Variants in CCDC33 observed in about 807,000 individuals in gnomAD.
CCDC33 encodes coiled-coil domain containing 33.
In CCDC33, 94 loss-of-function variants were observed where a neutral mutation model predicts 91.9. The observed-to-expected ratio is 1.02, with a 90% CI of 0.87 to 1.21. The LOEUF is 1.21. CCDC33 is among the 50% of genes most tolerant of loss of function. The pLI is 0.00. For synonymous variants in CCDC33, 396 were observed against 374.5 expected, an observed-to-expected ratio of 1.06 and a Z score of -0.66; for missense variants, 940 against 935.5, an observed-to-expected ratio of 1.00 and a Z score of -0.06.
At chr15:74,231,791 G>A (rs1226373634), upstream of CCDC33, among the ~76,000 whole-genome samples, 2 of 152,196 alleles carry the variant, frequency 1.3e-5, no homozygotes, top group African/African-American at 4.8e-5. Context: ...TGAGGCGGGT[G>A]GATCACTTGA....
rs1159989223 is a variant in CCDC33, at chr15:74,244,248, T to A, written c.185+100T>A. On this transcript the variant is annotated intron_variant, in intron 2 of 18. Transcript: ENST00000398814. This position sits in a 1 kb window ranked among gnomAD's most constrained non-coding sequence, Gnocchi z 4.2. Reference sequence around the variant, plus strand: ...ATACTAGCACCCAAAGGCCCAGGACTGGGACTGTCATACCCAGAGGGGAGG... The same window carrying A: ...ATACTAGCACCCAAAGGCCCAGGACAGGGACTGTCATACCCAGAGGGGAGG... The A allele has an allele frequency of 1.4e-6, 2 of 1,456,920 alleles. No homozygotes were observed. The highest frequency in any genetic ancestry group is 4.6e-5 in the East Asian group (2 of 43,168). 90.2% of individuals were successfully genotyped at this position (1,456,920 alleles called of 1,614,324 possible).
chr15:74,322,320 G>A (rs1023105862), intron 11 of CCDC33, among the ~76,000 whole-genome samples: 1 of 152,232 alleles, frequency 6.6e-6, no homozygotes, highest in Non-Finnish European at 1.5e-5. Flanking sequence ...GAGCAGCCAG[G>A]GCTGGGTGGG....
intron 2 of CCDC33, among the ~76,000 whole-genome samples, chr15:74,247,920 TA>T (rs2075588929): frequency 2.0e-5 from 3 of 152,048 alleles, no homozygotes; most frequent in African/African-American, 7.2e-5. Context: ...CTATTAAAAA[TA>T]CAAAAACTAG....
upstream of CCDC33, among the ~76,000 whole-genome samples, chr15:74,214,468 G>A (rs137975138): frequency 3.4e-3 from 520 of 152,270 alleles, 1 homozygote; most frequent in African/African-American, 0.012. Context: ...TGAAAACCGT[G>A]GGAGGCTGAA....
chr15:74,257,791 A>G (rs2142350982), intron 2 of CCDC33, among the ~76,000 whole-genome samples: 1 of 152,336 alleles, frequency 6.6e-6, no homozygotes, highest in Non-Finnish European at 1.5e-5. Context: ...CATTCAGATG[A>G]CTGTCTCTGC....
At chr15:74,207,689 G>A in intron 1 of CCDC33, 2 of 1,535,512 alleles carry the variant, frequency 1.3e-6, no homozygotes, top group Non-Finnish European at 1.7e-6. Flanking sequence ...GATGGCCACT[G>A]TGCCCACCTG....
chr15:74,247,764 C>G (rs1463959703), intron 2 of CCDC33, among the ~76,000 whole-genome samples: 1 of 152,088 alleles, frequency 6.6e-6, no homozygotes, highest in African/African-American at 2.4e-5. Flanking sequence ...TAATATGCAG[C>G]AGGTGACTCT....
intron 11 of CCDC33, among the ~76,000 whole-genome samples, chr15:74,308,472 A>T (rs1052009062): frequency 1.3e-5 from 2 of 152,090 alleles, no homozygotes; most frequent in African/African-American, 2.4e-5. Flanking sequence ...ATGCTCATTC[A>T]TCGGCTCCTG....
chr15:74,240,984 G>A (rs575411128), intron 1 of CCDC33, among the ~76,000 whole-genome samples: 128 of 152,326 alleles, frequency 8.4e-4, no homozygotes, highest in African/African-American at 2.9e-3. Flanking sequence ...GAGTGGGGGG[G>A]TCATGGTGGC....
intron 2 of CCDC33, among the ~76,000 whole-genome samples, chr15:74,222,776 A>G: frequency 8.0e-6 from 1 of 124,740 alleles, no homozygotes; most frequent in Non-Finnish European, 1.7e-5. Flanking sequence ...GGCCACCCCT[A>G]CCCCCATCCC....
chr15:74,300,689 T>C (rs1319964191), intron 11 of CCDC33: 1 of 152,188 alleles, frequency 6.6e-6, no homozygotes, highest in Non-Finnish European at 1.5e-5. Flanking sequence ...AAATTGAACA[T>C]TTTCTGGAGA....
intron 2 of CCDC33, among the ~76,000 whole-genome samples, chr15:74,225,443 A>G (rs1158340839): frequency 7.1e-6 from 1 of 141,726 alleles, no homozygotes; most frequent in Non-Finnish European, 1.5e-5. Flanking sequence ...ACCCTCATGG[A>G]TGCTGCGACA....
At chr15:74,323,684 C>T (rs573996639) in intron 11 of CCDC33, among the ~76,000 whole-genome samples, 10 of 152,250 alleles carry the variant, frequency 6.6e-5, no homozygotes, top group East Asian at 5.8e-4. Context: ...CCCGCCACCA[C>T]GCCCGGCTAT....
chr15:74,234,304 C>T (rs1247757993), upstream of CCDC33, among the ~76,000 whole-genome samples: 1 of 152,232 alleles, frequency 6.6e-6, no homozygotes, highest in African/African-American at 2.4e-5. Flanking sequence ...TTAATCATTC[C>T]CTGCTCTCCC....
intron 11 of CCDC33, among the ~76,000 whole-genome samples, chr15:74,315,418 C>T (rs1175479060): frequency 6.6e-6 from 1 of 152,184 alleles, no homozygotes; most frequent in Non-Finnish European, 1.5e-5. Context: ...GGTGAAGACT[C>T]TGGAACCAGC....
Position 74,203,223 on chromosome 15 carries a change from C to G in CCDC33, n.89+125C>G, listed in dbSNP as rs557987979. 134 of 985,148 alleles carry G rather than the reference C, an allele frequency of 1.4e-4. 1 individual carries two copies. The African/African-American group carries it at 2.3e-3, about 17-fold the overall frequency. The allele number at this position is 985,148 out of a possible 1,614,324, so 61.0% of individuals were successfully genotyped here. A position where few individuals can be genotyped will look rare whatever the true frequency, so the allele number is the denominator to read the frequency against. On this transcript the variant is annotated intron_variant and non_coding_transcript_variant, in intron 1 of 3. Transcript: ENST00000558645. ...CATTGGTAAACCCTTTTTGTTCCTA[C>G]AAGTTGATTTCACAAGGAGATAACT...
In CCDC33 at chr15:74,280,669, G is replaced by A; in HGVS notation, c.891G>A (p.Met297Ile). 6.8e-7 allele frequency: 1 copy of A among 1,480,850 alleles called. No individual in the cohort carries two copies. The highest frequency in any genetic ancestry group is 9.0e-7 in the Non-Finnish European group (1 of 1,111,908). 91.7% of individuals were successfully genotyped at this position (1,480,850 alleles called of 1,614,324 possible). A position where few individuals can be genotyped will look rare whatever the true frequency, so the allele number is the denominator to read the frequency against. ...LVLEYYSSTSMKGSQPWTLNQ... is the reference protein window; with the variant it reads ...LVLEYYSSTSIKGSQPWTLNQ... ...CCCTAGTTGATCCTTCCCCCACAGT[G>A]AAAGGCAGCCAGCCGTGGACCCTCA... The change falls in exon 9 of 19, where the codon ATG becomes ATA. Residue 297 changes from methionine to isoleucine, a missense_variant and splice_region_variant. By Grantham distance (10) the Met-to-Ile change is conservative. Transcript: ENST00000398814.
At chr15:74,256,288 C>A (rs987227805) in intron 2 of CCDC33, among the ~76,000 whole-genome samples, 1 of 152,194 alleles carries the variant, frequency 6.6e-6, no homozygotes, top group East Asian at 1.9e-4. Flanking sequence ...GGACTGAACA[C>A]CACACGAGTT....
intron 7 of CCDC33, 139 bp downstream of exon 7, chr15:74,273,030 G>C (rs1199910868): frequency 8.5e-7 from 1 of 1,181,828 alleles, no homozygotes; most frequent in African/African-American, 1.5e-5. Flanking sequence ...CCAGTGCTGT[G>C]CTCGCCTGTG....
Sources: allele counts gnomAD v4.1 joint callset (sites outside exome capture counted in the v4.1 genomes callset), GRCh38; gene constraint gnomAD v4.1.1; non-coding constraint Gnocchi (gnomAD v3.1); transcripts MANE v1.5; gene names NCBI Gene and HGNC (gene_info 2026-07-23, HGNC 2026-07-21).